UMODL1: variants seen among roughly 807,000 people sequenced by gnomAD.
The protein encoded by UMODL1 is uromodulin-like 1.
A neutral mutation model predicts 136.3 loss-of-function variants in UMODL1; 128 were observed. The ratio of observed to expected loss-of-function variants is 0.94; its 90% confidence interval spans 0.81 to 1.09. The LOEUF is 1.09. UMODL1 is among the 50% of genes least tolerant of loss of function. The pLI is 0.00. For synonymous variants in UMODL1, 721 were observed against 720.0 expected, an observed-to-expected ratio of 1.00 and a Z score of -0.02; for missense variants, 1,766 against 1,725.6, an observed-to-expected ratio of 1.02 and a Z score of -0.41.
At chr21:42,106,280 C>T (rs2066716417) in intron 9 of UMODL1, among the ~76,000 whole-genome samples, 1 of 152,224 alleles carries the variant, frequency 6.6e-6, no homozygotes, top group Admixed American at 6.5e-5. Flanking sequence ...CTGAGAGCCC[C>T]ACCTTCACGG....
intron 9 of UMODL1, 125 bp downstream of exon 9, chr21:42,104,212 T>G: frequency 1.9e-6 from 2 of 1,067,814 alleles, no homozygotes; most frequent in South Asian, 1.7e-5. Flanking sequence ...TTATTCTATC[T>G]TCCTCCACCG....
chr21:42,067,188 G>T (rs1053379269), upstream of UMODL1, among the ~76,000 whole-genome samples: 4 of 151,984 alleles, frequency 2.6e-5, no homozygotes, highest in Admixed American at 6.6e-5. Flanking sequence ...TGGCCAGGCT[G>T]GTCTTGAACT....
intron 6 of UMODL1, among the ~76,000 whole-genome samples, chr21:42,097,993 T>C (rs953698457): frequency 2.0e-5 from 3 of 152,082 alleles, no homozygotes; most frequent in Non-Finnish European, 2.9e-5. Flanking sequence ...GTTTATGGAG[T>C]GATGAGTCAG....
At position 42,084,258 on chromosome 21, in the gene UMODL1, G is replaced by A. The variant is rs1389504585; in HGVS notation, c.481+13G>A. The A allele has an allele frequency of 8.7e-6, 14 of 1,612,332 alleles. No homozygotes were observed. Among genetic ancestry groups the A allele is most frequent in the South Asian group, 3.3e-5 (3 of 90,986 alleles). On this transcript the variant is annotated intron_variant, in intron 3 of 22. Transcript: ENST00000408910. ...CCTGCACCCCAAGGTAGGCTGCTGC[G>A]GGCCATGCTTATGGACAGGCAGCAA...
In UMODL1 at chr21:42,107,968, G is replaced by A. The variant is rs1055206116; in HGVS notation, c.1520-1594G>A. ...GGGCTCTCGCTGGCTCTGCGCCCTCGCCTGGCCAGCCCGGGAGGGTGCAGA... is the reference window on the plus strand; with the variant it reads ...GGGCTCTCGCTGGCTCTGCGCCCTCACCTGGCCAGCCCGGGAGGGTGCAGA... On this transcript the variant is annotated intron_variant, in intron 9 of 22. Transcript: ENST00000408910. Among the ~76,000 whole-genome samples, 7 of 152,324 alleles carry A rather than the reference G, an allele frequency of 4.6e-5. No homozygotes were observed. The East Asian group carries it at 7.7e-4, about 17-fold the overall frequency.
At chr21:42,110,779 G>A in intron 10 of UMODL1, 101 bp from the exon 11 acceptor site, 2 of 1,188,556 alleles carry the variant, frequency 1.7e-6, no homozygotes, top group Non-Finnish European at 1.2e-6. Flanking sequence ...TCCACTCCGG[G>A]ATGCAGAGCA....
chr21:42,074,128 C>G (rs958006263), intron 1 of UMODL1, among the ~76,000 whole-genome samples: 1 of 152,154 alleles, frequency 6.6e-6, no homozygotes, highest in Non-Finnish European at 1.5e-5. Context: ...GGCCGGAAGT[C>G]TAAGATGAAG....
chr21:42,142,777 T>A lies in UMODL1; in HGVS notation c.*703T>A, dbSNP rs1201447556. On this transcript the variant is annotated 3_prime_UTR_variant, in exon 23 of 23. Transcript: ENST00000408910. ...TTCTAAGCATTTTCACAGCCGTTTC[T>A]TCATATAATCCGACCACAGTGGGAG... 1 of 152,250 alleles carries A rather than the reference T, an allele frequency of 6.6e-6. No homozygotes were observed. Among genetic ancestry groups the A allele is most frequent in the Non-Finnish European group, 1.5e-5 (1 of 68,050 alleles). 9.4% of individuals were successfully genotyped at this position (152,250 alleles called of 1,614,324 possible). A position where few individuals can be genotyped will look rare whatever the true frequency, so the allele number is the denominator to read the frequency against.
At chr21:42,113,886 T>C (rs532012531) in intron 13 of UMODL1, 56 bp downstream of exon 13, 24 of 1,576,608 alleles carry the variant, frequency 1.5e-5, no homozygotes, top group South Asian at 3.5e-5. Context: ...AAAAAGACTT[T>C]CTGTGGGTTA....
intron 2 of UMODL1, among the ~76,000 whole-genome samples, chr21:42,079,734 G>C (rs1335819734): frequency 2.6e-5 from 4 of 152,240 alleles, no homozygotes. Context: ...GGGGATCCAG[G>C]CTAGGGGAGG....
At chr21:42,071,263 AC>A, upstream of UMODL1, 1 of 1,457,394 alleles carries the variant, frequency 6.9e-7, no homozygotes, top group South Asian at 1.5e-5. Context: ...CGTAGCAGAG[AC>A]CCAGGCTTCT....
chr21:42,101,895 T>G, intron 7 of UMODL1: 1 of 395,766 alleles, frequency 2.5e-6, no homozygotes, highest in Non-Finnish European at 4.9e-6. Flanking sequence ...GGACCCTCCA[T>G]GCTCTGGTTG....
intron 2 of UMODL1, among the ~76,000 whole-genome samples, chr21:42,077,045 G>C (rs2146423228): frequency 7.3e-6 from 1 of 136,174 alleles, no homozygotes; most frequent in Non-Finnish European, 1.5e-5. Flanking sequence ...GTGTGTGTGT[G>C]TGTGTGTGTG....
chr21:42,111,294 G>A lies in UMODL1; in HGVS notation c.1899+173G>A, dbSNP rs553355233. The A allele has an allele frequency of 2.2e-4, 315 of 1,401,966 alleles. 1 individual carries two copies. In the African/African-American group the frequency reaches 3.9e-3, roughly 17 times the overall value. 86.8% of individuals were successfully genotyped at this position (1,401,966 alleles called of 1,614,324 possible). A position where few individuals can be genotyped will look rare whatever the true frequency, so the allele number is the denominator to read the frequency against. Reference sequence around the variant, plus strand: ...CCCAGCCAGGTGAACCCCAGCCAGCGGAGCACCAGCCACGCGAACTCCAGC... The same window carrying A: ...CCCAGCCAGGTGAACCCCAGCCAGCAGAGCACCAGCCACGCGAACTCCAGC... On this transcript the variant is annotated intron_variant, in intron 11 of 22. Transcript: ENST00000408910.
intron 2 of UMODL1, among the ~76,000 whole-genome samples, chr21:42,083,455 ACACCCCACAC>A (rs922919233): frequency 4.6e-5 from 7 of 152,148 alleles, no homozygotes; most frequent in South Asian, 4.2e-4. Flanking sequence ...GGCCCCCACC[ACACCCCACAC>A]CAGGCCTGTA....
chr21:42,111,004 C>A lies in UMODL1; in HGVS notation c.1782C>A (p.Tyr594Ter), dbSNP rs776895609. 11 of 1,612,928 alleles carry A rather than the reference C, an allele frequency of 6.8e-6. No individual in the cohort carries two copies. The highest frequency in any genetic ancestry group is 9.3e-6 in the Non-Finnish European group (11 of 1,179,680). ...ENFTLSPSPG[Y>*]PQGTPAAGQA... ...TCACCTTGTCACCCAGTCCTGGGTA[C>A]CCTCAGGGCACCCCGGCAGCAGGCC... The change falls in exon 11 of 23, where the codon TAC becomes TAA. Residue 594 changes from tyrosine (Y) to a stop codon, truncating the protein, a stop_gained. Transcript: ENST00000408910. LOFTEE classifies it high-confidence loss of function.
intron 2 of UMODL1, 119 bp downstream of exon 2, chr21:42,076,366 C>G (rs1282356703): frequency 2.7e-6 from 4 of 1,494,842 alleles, no homozygotes; most frequent in Non-Finnish European, 3.6e-6. Context: ...GAGCACGGCT[C>G]CCAGCCTTGA....
chr21:42,099,188 C>T lies in UMODL1; in HGVS notation c.1186+8C>T. The T allele has an allele frequency of 6.2e-7, 1 of 1,609,256 alleles. No homozygotes were observed. Among genetic ancestry groups the T allele is most frequent in the Non-Finnish European group, 8.5e-7 (1 of 1,177,458 alleles). ...CGCTGACCATCAAAACCAGTAAGGC[C>T]CCCAGTCAGAGACCCACGTTAGCTT... On this transcript the variant is annotated splice_region_variant and intron_variant, in intron 7 of 22. Transcript: ENST00000408910. The surrounding 1 kb of genome is among the most constrained non-coding windows in gnomAD (Gnocchi z 4.1).
chr21:42,139,216 G>A (rs901827706), intron 22 of UMODL1, among the ~76,000 whole-genome samples: 2 of 152,154 alleles, frequency 1.3e-5, no homozygotes, highest in East Asian at 1.9e-4. Context: ...ATCTGGCAGC[G>A]TGTGAGACTG....
Sources: gnomAD v4.1 joint callset for allele counts (sites outside exome capture counted in the v4.1 genomes callset) on GRCh38, gnomAD v4.1.1 for gene constraint, Gnocchi (gnomAD v3.1) non-coding constraint, MANE v1.5 for transcripts, NCBI Gene and HGNC (gene_info 2026-07-23, HGNC 2026-07-21) for gene names.